Variants in ZNF732 observed in about 807,000 individuals in gnomAD.
The protein encoded by ZNF732 is zinc finger protein 732.
In ZNF732, 12 loss-of-function variants were observed where a neutral mutation model predicts 11.5. The observed-to-expected ratio is 1.05, with a 90% CI of 0.67 to 1.70. The LOEUF (loss-of-function observed/expected upper bound fraction) is 1.70. Ranked by LOEUF, ZNF732 falls within the 40% of genes most tolerant of loss-of-function variation. ZNF732 has a pLI of 0.00. For synonymous variants in ZNF732, 231 were observed against 236.5 expected, an observed-to-expected ratio of 0.98 and a Z score of 0.21; for missense variants, 702 against 676.9, an observed-to-expected ratio of 1.04 and a Z score of -0.41.
intron 3 of ZNF732, among the ~76,000 whole-genome samples, chr4:273,209 C>A (rs1719424953): frequency 6.6e-6 from 1 of 151,952 alleles, no homozygotes; most frequent in African/African-American, 2.4e-5. Flanking sequence ...CATGAACAAA[C>A]CCTTTTAACT....
At chr4:288,003 G>T (rs980794966) in intron 3 of ZNF732, among the ~76,000 whole-genome samples, 8 of 151,098 alleles carry the variant, frequency 5.3e-5, no homozygotes, top group African/African-American at 2.0e-4. Flanking sequence ...TAACCTTATT[G>T]TGGTTTTGCC....
Position 305,296 on chromosome 4 carries a change from C to T in ZNF732, c.3+12G>A, listed in dbSNP as rs374002737. ...CCTCCCCAGCCTTGGGACGCCCTGC[C>T]CCCACACTCACCATTTCCCCACTTC... On this transcript the variant is annotated intron_variant, in intron 1 of 3. Coordinates refer to ENST00000419098, the MANE Select transcript of ZNF732 (RefSeq NM_001137608.3). 2.1e-5 allele frequency: 33 copies of T among 1,607,190 alleles called. No homozygotes were observed. In the African/African-American group the frequency reaches 3.5e-4, roughly 17 times the overall value.
intron 3 of ZNF732, among the ~76,000 whole-genome samples, chr4:276,832 AC>A (rs145048214): frequency 6.6e-6 from 1 of 151,544 alleles, no homozygotes; most frequent in Non-Finnish European, 1.5e-5. Flanking sequence ...ACCACCAAAG[AC>A]CCCCAAATAG....
intron 3 of ZNF732, among the ~76,000 whole-genome samples, chr4:292,715 G>A (rs1719863553): frequency 6.6e-6 from 1 of 151,404 alleles, no homozygotes; most frequent in East Asian, 1.9e-4. Flanking sequence ...AGTGCTATAT[G>A]CTGTTGGTGA....
chr4:293,607 A>C lies in ZNF732; in HGVS notation c.226+1831T>G, dbSNP rs148459540. Among the ~76,000 whole-genome samples the C allele has an allele frequency of 2.3e-3, 350 of 152,260 alleles. 3 individuals are homozygous for C. Among genetic ancestry groups the C allele is most frequent in the African/African-American group, 8.0e-3 (334 of 41,564 alleles). ...TGAGTAAGTCTGAGAAATCTAATGTACAATAGCATTAGATTAGCAAAATAG... is the reference window on the plus strand; with the variant it reads ...TGAGTAAGTCTGAGAAATCTAATGTCCAATAGCATTAGATTAGCAAAATAG... On this transcript the variant is annotated intron_variant, in intron 3 of 3. Transcript: ENST00000419098.
At chr4:287,217 T>C (rs1553840703) in intron 3 of ZNF732, among the ~76,000 whole-genome samples, 1 of 151,400 alleles carries the variant, frequency 6.6e-6, no homozygotes, top group East Asian at 1.9e-4. Flanking sequence ...AAACTTAACA[T>C]ACTTTTTTTT....
At chr4:303,895 G>A (rs1363472458) in intron 1 of ZNF732, among the ~76,000 whole-genome samples, 2 of 152,270 alleles carry the variant, frequency 1.3e-5, no homozygotes, top group African/African-American at 2.4e-5. Context: ...GTCATGGTGG[G>A]GACAGGGCAG....
intron 3 of ZNF732, among the ~76,000 whole-genome samples, chr4:276,278 A>T (rs1719494460): frequency 6.6e-6 from 1 of 151,880 alleles, no homozygotes; most frequent in Non-Finnish European, 1.5e-5. Flanking sequence ...AGAGACTCTT[A>T]TATTGGAAAT....
At chr4:281,421 C>T (rs1173339368) in intron 3 of ZNF732, among the ~76,000 whole-genome samples, 2 of 152,224 alleles carry the variant, frequency 1.3e-5, no homozygotes, top group Non-Finnish European at 2.9e-5. Flanking sequence ...GCAAGAGCGA[C>T]ACAGCAGGAG....
chr4:278,985 A>T (rs948998104), intron 3 of ZNF732, among the ~76,000 whole-genome samples: 1 of 152,184 alleles, frequency 6.6e-6, no homozygotes, highest in Admixed American at 6.5e-5. Flanking sequence ...ATTTGCTTAT[A>T]TATCTGCATT....
intron 3 of ZNF732, among the ~76,000 whole-genome samples, chr4:273,648 G>T (rs78343340): frequency 1.3e-5 from 2 of 151,480 alleles, no homozygotes; most frequent in Non-Finnish European, 3.0e-5. Context: ...ATATAAAAAC[G>T]GAAGAAGCTC....
intron 1 of ZNF732, among the ~76,000 whole-genome samples, chr4:304,649 C>T (rs1325547619): frequency 6.6e-6 from 1 of 152,176 alleles, no homozygotes; most frequent in Non-Finnish European, 1.5e-5. Context: ...GGGGCGCCCA[C>T]ACCCTCCTCA....
chr4:295,627 T>C, intron 2 of ZNF732, 94 bp from the exon 3 acceptor site: 1 of 1,091,514 alleles, frequency 9.2e-7, no homozygotes, highest in Non-Finnish European at 1.3e-6. Context: ...TTATGGAAGA[T>C]CCTACATAAT....
At chr4:294,222 G>C (rs887687384) in intron 3 of ZNF732, among the ~76,000 whole-genome samples, 1 of 152,130 alleles carries the variant, frequency 6.6e-6, no homozygotes, top group Non-Finnish European at 1.5e-5. Context: ...GGCTGGTCTC[G>C]AATTCTTAAC....
intron 3 of ZNF732, among the ~76,000 whole-genome samples, chr4:279,841 A>G (rs1719580919): frequency 6.6e-6 from 1 of 152,184 alleles, no homozygotes; most frequent in South Asian, 2.1e-4. Flanking sequence ...TTCTTTGACT[A>G]CTCACCTATA....
At position 295,457 on chromosome 4, in the gene ZNF732, CT is replaced by C; in HGVS notation, c.206del (p.Glu69GlyfsTer3). 1 of 1,609,336 alleles carries C rather than the reference CT, an allele frequency of 6.2e-7. No individual in the cohort carries two copies. On this transcript the variant is annotated frameshift_variant, in exon 3 of 4. Transcript: ENST00000419098. LOFTEE classifies it low-confidence loss of function (END_TRUNC). ...ACCTACCTGGGTGTTTGGCTACTGT[CT>C]CATGTATCTTCACTTTGTAGGGCTC... ...RKEPYKVKIHETVAKHPAVCS... is the reference protein window; with the variant it reads ...RKEPYKVKIHXTVAKHPAVCS...
chr4:272,550 A>G lies in ZNF732; in HGVS notation c.307T>C (p.Tyr103His), dbSNP rs1553838003. The change falls in exon 4 of 4, where the codon TAT (tyrosine) becomes CAT (histidine). Residue 103 changes from tyrosine to histidine, a missense_variant. Transcript: ENST00000419098. Reference protein sequence around the residue: ...DSFHKLILRRYEKCGHENLEL... With the variant: ...DSFHKLILRRHEKCGHENLEL... Reference sequence around the variant, plus strand: ...AAATTCTCATGTCCACATTTCTCATATCTTCTTAATATAAGTTTGTGGAAC... The same window carrying G: ...AAATTCTCATGTCCACATTTCTCATGTCTTCTTAATATAAGTTTGTGGAAC... The G allele has an allele frequency of 6.2e-7, 1 of 1,600,452 alleles. No homozygotes were observed. The highest frequency in any genetic ancestry group is 8.5e-7 in the Non-Finnish European group (1 of 1,173,994).
At chr4:292,598 A>G (rs535905532) in intron 3 of ZNF732, among the ~76,000 whole-genome samples, 5 of 151,736 alleles carry the variant, frequency 3.3e-5, no homozygotes, top group South Asian at 4.2e-4. Context: ...TCCGAAATGT[A>G]TAAGAAACTT....
At chr4:301,982 G>C (rs1720127162) in intron 1 of ZNF732, among the ~76,000 whole-genome samples, 1 of 152,208 alleles carries the variant, frequency 6.6e-6, no homozygotes, top group Non-Finnish European at 1.5e-5. Flanking sequence ...TGTCAGATTT[G>C]AAGATGCCAG....
Sources: allele counts gnomAD v4.1 joint callset (sites outside exome capture counted in the v4.1 genomes callset), GRCh38; gene constraint gnomAD v4.1.1; transcripts MANE v1.5; gene names NCBI Gene and HGNC (gene_info 2026-07-23, HGNC 2026-07-21).